The following CACNA1E variants were observed in gnomAD, a reference collection of about 807,000 sequenced individuals.
CACNA1E encodes the protein calcium voltage-gated channel subunit alpha1 E.
In CACNA1E, 40 loss-of-function variants were observed where a neutral mutation model predicts 259.2. The observed-to-expected ratio is 0.15, with a 90% confidence interval of 0.12 to 0.20. CACNA1E has a LOEUF of 0.20. Among genes scored for constraint, CACNA1E ranks in the 10% least tolerant of loss-of-function variants. CACNA1E has a pLI of 1.00. For synonymous variants in CACNA1E, 1,104 were observed against 1,138.5 expected, an observed-to-expected ratio of 0.97 and a Z score of 0.61; for missense variants, 1,874 against 3,040.1, an observed-to-expected ratio of 0.62 and a Z score of 9.02.
intron 2 of CACNA1E, among the ~76,000 whole-genome samples, chr1:181,456,843 G>A (rs1329194388): frequency 6.6e-6 from 1 of 152,214 alleles, no homozygotes; most frequent in Non-Finnish European, 1.5e-5. Context: ...GCCGTGGGAT[G>A]TGGCAGCTGG....
intron 6 of CACNA1E, among the ~76,000 whole-genome samples, chr1:181,586,045 TA>T (rs137902822): frequency 5.3e-5 from 8 of 151,890 alleles, no homozygotes; most frequent in East Asian, 1.9e-4. Flanking sequence ...AGCAAGGATA[TA>T]AAAAAAATGA....
chr1:181,400,856 T>C (rs1206352620), intron 1 of CACNA1E, among the ~76,000 whole-genome samples: 2 of 152,150 alleles, frequency 1.3e-5, no homozygotes, highest in Non-Finnish European at 2.9e-5. Context: ...CTTTGCTGTA[T>C]TATGGCTGCA....
Position 181,585,646 on chromosome 1 carries a change from G to A in CACNA1E, c.951+4870G>A. 1.3e-5 allele frequency among the ~76,000 whole-genome samples: 2 copies of A among 152,204 alleles called. 1 individual carries two copies. The highest frequency in any genetic ancestry group is 1.3e-4 in the Admixed American group (2 of 15,282). ...GTCAGGAGGACCACATTGAGAAGAT[G>A]GCATTCGAACAAAGACTTGAAGTGG... is the stretch of plus-strand genomic sequence containing the variant. On this transcript the variant is annotated intron_variant, in intron 6 of 47. Coordinates refer to ENST00000367573, the MANE Select transcript of CACNA1E (RefSeq NM_001205293.3).
At chr1:181,744,446 T>C (rs1346383500) in intron 25 of CACNA1E, among the ~76,000 whole-genome samples, 1 of 152,140 alleles carries the variant, frequency 6.6e-6, no homozygotes, top group Non-Finnish European at 1.5e-5. Flanking sequence ...CGGATTTGCT[T>C]GTGGGATTTT....
At chr1:181,409,158 G>A (rs1409037508) in intron 1 of CACNA1E, among the ~76,000 whole-genome samples, 2 of 152,166 alleles carry the variant, frequency 1.3e-5, no homozygotes, top group African/African-American at 4.8e-5. Context: ...TGCTACAACA[G>A]CAGCGTTTAA....
intron 3 of CACNA1E, among the ~76,000 whole-genome samples, chr1:181,547,553 A>G (rs545398268): frequency 6.6e-5 from 10 of 152,344 alleles, no homozygotes; most frequent in African/African-American, 2.2e-4. Context: ...GCCACTGACT[A>G]CACACTAGGT....
At chr1:181,657,137 A>G (rs1659272641) in intron 7 of CACNA1E, among the ~76,000 whole-genome samples, 1 of 152,368 alleles carries the variant, frequency 6.6e-6, no homozygotes, top group South Asian at 2.1e-4. Flanking sequence ...AATTGTTACC[A>G]GTAAGAAATA....
chr1:181,745,307 G>A (rs1464123292), intron 25 of CACNA1E: 2 of 463,654 alleles, frequency 4.3e-6, no homozygotes, highest in East Asian at 5.8e-5. Context: ...TCTTATGGAG[G>A]CAATGGGTGT....
chr1:181,344,642 A>G (rs1268846928), intron 1 of CACNA1E, among the ~76,000 whole-genome samples: 1 of 152,182 alleles, frequency 6.6e-6, no homozygotes, highest in Non-Finnish European at 1.5e-5. Flanking sequence ...CTTGGCAAGG[A>G]CAGTGGAATT....
At chr1:181,766,427 G>GT in intron 34 of CACNA1E, 119 bp from the exon 35 acceptor site, 1 of 711,282 alleles carries the variant, frequency 1.4e-6, no homozygotes, top group Middle Eastern at 2.4e-4. Context: ...GGAATAGGGA[G>GT]TCCCAGTCTG....
chr1:181,601,580 T>A (rs1237747854), intron 6 of CACNA1E, among the ~76,000 whole-genome samples: 2 of 152,196 alleles, frequency 1.3e-5, no homozygotes, highest in Non-Finnish European at 2.9e-5. Flanking sequence ...ACCCCACATT[T>A]AACTCATCAG....
intron 1 of CACNA1E, among the ~76,000 whole-genome samples, chr1:181,487,852 T>G (rs760821253): frequency 6.6e-5 from 10 of 152,202 alleles, no homozygotes; most frequent in Admixed American, 3.3e-4. Context: ...ATGCCAGAGT[T>G]GGGCAATAGG....
At chr1:181,590,160 A>G (rs1652485815) in intron 6 of CACNA1E, among the ~76,000 whole-genome samples, 2 of 152,048 alleles carry the variant, frequency 1.3e-5, no homozygotes, top group South Asian at 2.1e-4. Context: ...GTTGATTGAC[A>G]TGTGTGCCCT....
At chr1:181,728,875 C>A in intron 18 of CACNA1E, among the ~76,000 whole-genome samples, 1 of 138,040 alleles carries the variant, frequency 7.2e-6, no homozygotes, top group Non-Finnish European at 1.6e-5. Context: ...GCATTTTGCT[C>A]GGGTGTGTGT....
rs539490003 is a variant in CACNA1E, at chr1:181,329,159, G to A, written c.-15+11036G>A. On this transcript the variant is annotated intron_variant, in intron 1 of 11. Coordinates refer to the CACNA1E transcript ENST00000524607. The stretch of plus-strand genomic sequence containing the variant: ...TACTTGCATCTCTGTATTCCTGTAG[G>A]TGATCCATTATGAAAGCCTGTCCAC... Among the ~76,000 whole-genome samples, 4 of 152,148 alleles carry A rather than the reference G, an allele frequency of 2.6e-5. No homozygotes were observed. The East Asian group carries it at 7.7e-4, about 29-fold the overall frequency.
At chr1:181,528,691 T>A (rs1667543758) in intron 3 of CACNA1E, among the ~76,000 whole-genome samples, 4 of 152,218 alleles carry the variant, frequency 2.6e-5, no homozygotes, top group Admixed American at 2.6e-4. Context: ...TGGCTCTTGT[T>A]ATGTTTTTGC....
At chr1:181,390,630 G>A (rs1214201039) in intron 1 of CACNA1E, among the ~76,000 whole-genome samples, 1 of 152,136 alleles carries the variant, frequency 6.6e-6, no homozygotes, top group Non-Finnish European at 1.5e-5. Flanking sequence ...ATGCTTTTGT[G>A]TAGTACGAGG....
intron 1 of CACNA1E, among the ~76,000 whole-genome samples, chr1:181,401,416 G>T (rs1657096164): frequency 6.6e-6 from 1 of 152,146 alleles, no homozygotes; most frequent in African/African-American, 2.4e-5. Context: ...GTTCATGTTA[G>T]AATCTGTTTA....
At chr1:181,487,235 C>T (rs1663908454) in intron 1 of CACNA1E, among the ~76,000 whole-genome samples, 1 of 152,162 alleles carries the variant, frequency 6.6e-6, no homozygotes, top group Non-Finnish European at 1.5e-5. Context: ...TTAGTGGTCT[C>T]ATCATGCTGT....
Sources: gnomAD v4.1 joint callset for allele counts (sites outside exome capture counted in the v4.1 genomes callset) on GRCh38, gnomAD v4.1.1 for gene constraint, MANE v1.5 for transcripts, NCBI Gene and HGNC (gene_info 2026-07-23, HGNC 2026-07-21) for gene names.